The following PTPRM variants were observed in gnomAD, a reference collection of about 807,000 sequenced individuals.
The protein encoded by PTPRM is receptor-type tyrosine-protein phosphatase mu.
In PTPRM, 47 loss-of-function variants were observed where a neutral mutation model predicts 186.7. The ratio of observed to expected loss-of-function variants is 0.25; its 90% CI spans 0.20 to 0.32. PTPRM has a LOEUF of 0.32. Ranked by LOEUF, PTPRM falls within the 10% of genes least tolerant of loss-of-function variation. The pLI is 1.00. For missense variants in PTPRM, 1,494 were observed against 1,865.0 expected (o/e 0.80, Z 3.66); for synonymous variants, 668 against 674.9 (o/e 0.99, Z 0.16).
intron 1 of PTPRM, among the ~76,000 whole-genome samples, chr18:7,585,162 A>G (rs944402533): frequency 2.6e-5 from 4 of 152,224 alleles, no homozygotes; most frequent in Non-Finnish European, 4.4e-5. Context: ...CAGTTAGACA[A>G]TAGACACGGG....
intron 1 of PTPRM, among the ~76,000 whole-genome samples, chr18:7,727,052 T>G (rs1420252848): frequency 6.6e-6 from 1 of 152,156 alleles, no homozygotes; most frequent in Non-Finnish European, 1.5e-5. Context: ...CTTGGTGGTT[T>G]TATTTTTAAT....
intron 23 of PTPRM, among the ~76,000 whole-genome samples, chr18:8,356,862 C>G (rs1417471304): frequency 6.6e-6 from 1 of 152,106 alleles, no homozygotes; most frequent in African/African-American, 2.4e-5. Flanking sequence ...CCATTCTTAC[C>G]CCACACCTTA....
intron 2 of PTPRM, among the ~76,000 whole-genome samples, chr18:7,787,398 T>A (rs1407986637): frequency 6.6e-6 from 1 of 152,220 alleles, no homozygotes; most frequent in African/African-American, 2.4e-5. Context: ...GCTAGAAACA[T>A]GGGAACATTG....
At chr18:8,071,182 T>C (rs1424184899) in intron 8 of PTPRM, among the ~76,000 whole-genome samples, 4 of 152,118 alleles carry the variant, frequency 2.6e-5, no homozygotes, top group African/African-American at 9.7e-5. Flanking sequence ...GACCAGAAGC[T>C]CTATTTCTGT....
intron 1 of PTPRM, among the ~76,000 whole-genome samples, chr18:7,694,148 A>G (rs1427217465): frequency 6.6e-6 from 1 of 152,118 alleles, no homozygotes; most frequent in African/African-American, 2.4e-5. Flanking sequence ...GCCTAATGAC[A>G]TCTCTGTTTC....
intron 7 of PTPRM, among the ~76,000 whole-genome samples, chr18:8,051,605 G>C (rs910557396): frequency 6.6e-6 from 1 of 152,096 alleles, no homozygotes; most frequent in Non-Finnish European, 1.5e-5. Flanking sequence ...CATCATAGTA[G>C]TCCTGTGGGA....
chr18:7,719,378 C>T (rs767100928), intron 1 of PTPRM, among the ~76,000 whole-genome samples: 8 of 140,524 alleles, frequency 5.7e-5, no homozygotes, highest in Admixed American at 1.4e-4. Flanking sequence ...ACTTTGGGGA[C>T]GTGGAGGGAT....
chr18:8,213,908 AC>A (rs2094042016), intron 14 of PTPRM, among the ~76,000 whole-genome samples: 1 of 152,222 alleles, frequency 6.6e-6, no homozygotes. Flanking sequence ...ATATTTATAT[AC>A]CATGGACTAC....
chr18:7,811,517 C>T (rs76094067), intron 2 of PTPRM, among the ~76,000 whole-genome samples: 1,532 of 152,266 alleles, frequency 0.01, 35 homozygotes, highest in East Asian at 0.091. Context: ...ACCACCAAGC[C>T]GAGTTCATTT....
Position 8,298,420 on chromosome 18 carries a change from C to G in PTPRM, c.2842+1965C>G, listed in dbSNP as rs138757128. Among the ~76,000 whole-genome samples, 927 of 152,282 alleles carry G rather than the reference C, an allele frequency of 6.1e-3. 8 individuals are homozygous for G. Among genetic ancestry groups the G allele is most frequent in the African/African-American group, 0.021 (884 of 41,556 alleles). The stretch of plus-strand genomic sequence containing the variant: ...CTGATGTGGCCTCGTGCTGAGCATA[C>G]AGAATGCAATGAATGTCAAGGGGTG... On this transcript the variant is annotated intron_variant, in intron 20 of 32. Coordinates refer to ENST00000580170, the MANE Select transcript of PTPRM (RefSeq NM_001105244.2).
At chr18:8,320,404 A>G (rs1226507545) in intron 22 of PTPRM, among the ~76,000 whole-genome samples, 5 of 152,324 alleles carry the variant, frequency 3.3e-5, no homozygotes, top group Non-Finnish European at 7.3e-5. Context: ...GCCAGAGAGC[A>G]GAATTCCAAT....
At chr18:7,712,873 A>G (rs1372141531) in intron 1 of PTPRM, among the ~76,000 whole-genome samples, 1 of 152,142 alleles carries the variant, frequency 6.6e-6, no homozygotes, top group African/African-American at 2.4e-5. Flanking sequence ...GACTGTGTGA[A>G]AAGACCAAAC....
intron 1 of PTPRM, among the ~76,000 whole-genome samples, chr18:7,636,432 T>C (rs2038314236): frequency 6.6e-6 from 1 of 152,216 alleles, no homozygotes; most frequent in South Asian, 2.1e-4. Context: ...CTATTTCATT[T>C]ACTTCCAAGT....
rs34688860 is a variant in PTPRM, at chr18:7,841,281, CTTTTTTTTTTT to C, written c.197-46807_197-46797del. ...TGGACATTTTTGGCTCAAATCATTT[CTTTTTTTTTTT>C]TTTTTTTTTTTTTTTTTGAGACGGA... On this transcript the variant is annotated intron_variant, in intron 2 of 32. Coordinates refer to ENST00000580170, the MANE Select transcript of PTPRM (RefSeq NM_001105244.2). 1.3e-4 allele frequency among the ~76,000 whole-genome samples: 9 copies of C among 70,222 alleles called. No individual in the cohort carries two copies. In the East Asian group the frequency reaches 2.1e-3, roughly 16 times the overall value. The allele number at this position is 70,222 out of a possible 152,430, so 46.1% of individuals were successfully genotyped here.
intron 1 of PTPRM, among the ~76,000 whole-genome samples, chr18:7,772,686 C>A (rs1266625835): frequency 6.6e-6 from 1 of 152,026 alleles, no homozygotes; most frequent in Non-Finnish European, 1.5e-5. Context: ...TTGACCTAAG[C>A]ATTTGGATAG....
chr18:7,842,928 G>GTATATA (rs1365364776), intron 2 of PTPRM, among the ~76,000 whole-genome samples: 24 of 62,704 alleles, frequency 3.8e-4, no homozygotes, highest in South Asian at 6.1e-4. Context: ...GTGTGTGTGT[G>GTATATA]TGTATATATA....
intron 7 of PTPRM, among the ~76,000 whole-genome samples, chr18:8,030,675 C>T (rs571264377): frequency 2.0e-5 from 3 of 152,152 alleles, no homozygotes; most frequent in Non-Finnish European, 2.9e-5. Flanking sequence ...CATGAGGTGT[C>T]TTCTCTCAAA....
In PTPRM at chr18:8,323,729, T is replaced by C. The variant is rs552478274; in HGVS notation, c.2956+4515T>C. 1.2e-3 allele frequency among the ~76,000 whole-genome samples: 185 copies of C among 152,064 alleles called. 1 individual carries two copies. The highest frequency in any genetic ancestry group is 3.3e-3 in the South Asian group (16 of 4,800). On this transcript the variant is annotated intron_variant, in intron 22 of 32. Transcript: ENST00000580170. ...GTAGAGTCCAGGACTAGAGAGAGGA[T>C]CTCCAAACAGAAGCCCCCATGCCCA... is the stretch of plus-strand genomic sequence containing the variant.
At chr18:8,157,454 G>A (rs1422630792) in intron 14 of PTPRM, among the ~76,000 whole-genome samples, 1 of 152,132 alleles carries the variant, frequency 6.6e-6, no homozygotes, top group Admixed American at 6.5e-5. Context: ...CCCATGGAGA[G>A]CATCATTTCT....
Sources: allele counts gnomAD v4.1 joint callset (sites outside exome capture counted in the v4.1 genomes callset), GRCh38; gene constraint gnomAD v4.1.1; transcripts MANE v1.5; gene names NCBI Gene and HGNC (gene_info 2026-07-23, HGNC 2026-07-21).